The following HIVEP3 variants were observed in gnomAD, a reference collection of about 807,000 sequenced individuals.
The protein encoded by HIVEP3 is transcription factor HIVEP3.
A neutral mutation model predicts 152.8 loss-of-function variants in HIVEP3; 49 were observed. The ratio of observed to expected loss-of-function variants is 0.32; its 90% CI spans 0.26 to 0.41. HIVEP3 has a LOEUF of 0.41. Ranked by LOEUF, HIVEP3 falls within the 10% of genes least tolerant of loss-of-function variation. The probability of loss-of-function intolerance (pLI) is 1.00; values close to 1 mark genes in which losing one functional copy is unlikely to be tolerated. For synonymous variants in HIVEP3, 1,269 were observed against 1,289.0 expected, an observed-to-expected ratio of 0.98 and a Z score of 0.33; for missense variants, 2,790 against 3,103.3, an observed-to-expected ratio of 0.90 and a Z score of 2.40.
chr1:41,874,417 T>C (rs1041101152), intron 1 of HIVEP3, among the ~76,000 whole-genome samples: 1 of 152,130 alleles, frequency 6.6e-6, no homozygotes, highest in Non-Finnish European at 1.5e-5. Flanking sequence ...AAGAGAAAAG[T>C]CTTCCTCTTC....
intron 1 of HIVEP3, among the ~76,000 whole-genome samples, chr1:41,735,640 G>A (rs1032419544): frequency 3.9e-5 from 6 of 152,214 alleles, no homozygotes; most frequent in Admixed American, 2.0e-4. Flanking sequence ...CTGGAGATAT[G>A]TCTCCAGCCT....
intron 2 of HIVEP3, among the ~76,000 whole-genome samples, chr1:41,698,688 C>T (rs1646314052): frequency 6.6e-6 from 1 of 152,142 alleles, no homozygotes. Context: ...CACTGGGGCC[C>T]CATGACCCCA....
chr1:41,952,422 G>GTTCATTCATTCA lies in HIVEP3; in HGVS notation n.120-33910_120-33899dup, dbSNP rs142386133. On this transcript the variant is annotated intron_variant and non_coding_transcript_variant, in intron 1 of 3. Transcript: ENST00000489103. The stretch of plus-strand genomic sequence containing the variant: ...AACCACATTGCTTTCATTTTCTTTT[G>GTTCATTCATTCA]TTCATTCATTCATTCATTCATTCAT... Among the ~76,000 whole-genome samples the GTTCATTCATTCA allele has an allele frequency of 5.8e-3, 882 of 151,098 alleles. 8 individuals are homozygous for GTTCATTCATTCA. The highest frequency in any genetic ancestry group is 0.014 in the Middle Eastern group (4 of 292).
intron 5 of HIVEP3, among the ~76,000 whole-genome samples, chr1:41,562,708 A>G (rs56256181): frequency 0.11 from 16,620 of 151,320 alleles, 1,616 homozygotes; most frequent in East Asian, 0.46. Flanking sequence ...GGAATGGGAT[A>G]GGAGACTAAC....
At chr1:41,981,097 G>A (rs750808191) in intron 1 of HIVEP3, among the ~76,000 whole-genome samples, 38 of 152,294 alleles carry the variant, frequency 2.5e-4, no homozygotes, top group Non-Finnish European at 4.6e-4. Context: ...AGGTGTGGGT[G>A]AGCTCTGGCA....
At chr1:41,813,817 T>C (rs1229834491) in intron 1 of HIVEP3, among the ~76,000 whole-genome samples, 1 of 152,146 alleles carries the variant, frequency 6.6e-6, no homozygotes, top group Non-Finnish European at 1.5e-5. Flanking sequence ...GAGACACATG[T>C]AGAAGGGAAC....
intron 1 of HIVEP3, among the ~76,000 whole-genome samples, chr1:41,797,073 G>C (rs17373807): frequency 1.3e-5 from 2 of 152,038 alleles, no homozygotes; most frequent in African/African-American, 2.4e-5. Flanking sequence ...TTCTCACTCA[G>C]AGTTCTCCCT....
At chr1:41,900,983 G>T (rs1644612041) in intron 1 of HIVEP3, among the ~76,000 whole-genome samples, 1 of 152,126 alleles carries the variant, frequency 6.6e-6, no homozygotes, top group African/African-American at 2.4e-5. Context: ...GGATGTGGGG[G>T]ACCGGTGAGG....
chr1:41,759,839 T>G (rs753668717), intron 1 of HIVEP3, among the ~76,000 whole-genome samples: 1 of 152,202 alleles, frequency 6.6e-6, no homozygotes, highest in Non-Finnish European at 1.5e-5. Context: ...GGTTTCCACA[T>G]AGGACCTCAC....
intron 2 of HIVEP3, among the ~76,000 whole-genome samples, chr1:41,666,226 C>T (rs1280622445): frequency 1.3e-5 from 2 of 152,132 alleles, no homozygotes; most frequent in Non-Finnish European, 1.5e-5. Flanking sequence ...TGTCCTGGGA[C>T]AGAGACTAGA....
rs539749508 is a variant in HIVEP3 at position 41,533,253 on chromosome 1, G to A, written c.5208-8343C>T. Among the ~76,000 whole-genome samples, 110 of 152,276 alleles carry A rather than the reference G, an allele frequency of 7.2e-4. No individual in the cohort carries two copies. Among genetic ancestry groups the A allele is most frequent in the South Asian group, 1.7e-3 (8 of 4,818 alleles). On this transcript the variant is annotated intron_variant, in intron 5 of 8. Coordinates refer to ENST00000372583, the MANE Select transcript of HIVEP3 (RefSeq NM_024503.5). This position sits in a 1 kb window ranked among gnomAD's most constrained non-coding sequence, Gnocchi z 4.3. ...TATCAGTGTGGACCTCCCCAAGCCT[G>A]AGGTAGACCTGCCGGGCTCTGGGTC...
At chr1:41,807,780 G>A (rs1558287267) in intron 1 of HIVEP3, among the ~76,000 whole-genome samples, 2 of 152,220 alleles carry the variant, frequency 1.3e-5, no homozygotes, top group South Asian at 2.1e-4. Flanking sequence ...TTTCATGACG[G>A]TTGTGATGCT....
chr1:41,577,210 A>G (rs1361032172), intron 4 of HIVEP3, among the ~76,000 whole-genome samples: 1 of 152,236 alleles, frequency 6.6e-6, no homozygotes, highest in East Asian at 1.9e-4. Context: ...TGACAACAAT[A>G]TGAATAAGTA....
chr1:41,895,583 T>C (rs990905488), intron 1 of HIVEP3, among the ~76,000 whole-genome samples: 1 of 152,182 alleles, frequency 6.6e-6, no homozygotes, highest in Admixed American at 6.5e-5. Context: ...TAAATAAATA[T>C]TTATCTTTTT....
At chr1:41,991,246 G>A (rs1338056933) in intron 1 of HIVEP3, among the ~76,000 whole-genome samples, 19 of 146,552 alleles carry the variant, frequency 1.3e-4, no homozygotes, top group South Asian at 6.8e-4. Flanking sequence ...AAAATAGACC[G>A]CTAGCAAGAC....
intron 3 of HIVEP3, among the ~76,000 whole-genome samples, chr1:41,600,533 TG>T (rs1487624796): frequency 1.3e-5 from 2 of 152,168 alleles, no homozygotes; most frequent in Non-Finnish European, 2.9e-5. Context: ...GAAAGTCAAC[TG>T]GTGGTTGCCA....
intron 1 of HIVEP3, among the ~76,000 whole-genome samples, chr1:41,820,947 C>T (rs557288801): frequency 6.6e-6 from 1 of 152,314 alleles, no homozygotes; most frequent in African/African-American, 2.4e-5. Context: ...TCCTACCCTC[C>T]CTAGCTAGCA....
At chr1:41,839,383 G>T (rs1202027434) in intron 1 of HIVEP3, among the ~76,000 whole-genome samples, 1 of 152,174 alleles carries the variant, frequency 6.6e-6, no homozygotes, top group African/African-American at 2.4e-5. Context: ...TGGTTCTAAA[G>T]ACCTGCAGTC....
At chr1:41,938,797 G>T (rs930373772) in intron 1 of HIVEP3, among the ~76,000 whole-genome samples, 4 of 152,124 alleles carry the variant, frequency 2.6e-5, no homozygotes. Flanking sequence ...CAAAACTATG[G>T]GGGAATCTGA....
Sources: allele counts gnomAD v4.1 joint callset (sites outside exome capture counted in the v4.1 genomes callset), GRCh38; gene constraint gnomAD v4.1.1; non-coding constraint Gnocchi (gnomAD v3.1); transcripts MANE v1.5; gene names NCBI Gene and HGNC (gene_info 2026-07-23, HGNC 2026-07-21).